The following NRG3 variants were observed in gnomAD, a reference collection of about 807,000 sequenced individuals.
NRG3 encodes the protein pro-neuregulin-3, membrane-bound isoform.
Under a neutral mutation model 66.9 loss-of-function variants are expected in NRG3, and 31 were observed. The observed-to-expected ratio is 0.46, with a 90% CI of 0.35 to 0.63. The LOEUF (loss-of-function observed/expected upper bound fraction) is 0.63, where lower values mean the gene tolerates loss of function less well. NRG3 is among the 20% of genes least tolerant of loss of function. The pLI, the probability that NRG3 is intolerant of heterozygous loss-of-function variation, is 0.00. For synonymous variants in NRG3, 393 were observed against 359.4 expected (o/e 1.09, Z -1.06); for missense variants, 910 against 878.9 (o/e 1.04, Z -0.45).
chr10:82,193,142 T>A (rs2027191), intron 1 of NRG3, among the ~76,000 whole-genome samples: 71,300 of 152,012 alleles, frequency 0.47, 18,314 homozygotes, highest in Middle Eastern at 0.65. Context: ...TAACTTGATT[T>A]CTATTTTCTT....
chr10:82,707,252 T>C (rs1164462215), intron 2 of NRG3, among the ~76,000 whole-genome samples: 2 of 151,920 alleles, frequency 1.3e-5, no homozygotes, highest in South Asian at 2.1e-4. Context: ...CATTTCACAG[T>C]GTATGGATTT....
intron 3 of NRG3, among the ~76,000 whole-genome samples, chr10:82,782,886 A>C (rs1176067947): frequency 6.6e-6 from 1 of 152,158 alleles, no homozygotes; most frequent in East Asian, 1.9e-4. Flanking sequence ...GATACCAAAG[A>C]CGGGCAGAGA....
chr10:82,043,254 A>G (rs2063125051), intron 1 of NRG3, among the ~76,000 whole-genome samples: 1 of 152,088 alleles, frequency 6.6e-6, no homozygotes, highest in Non-Finnish European at 1.5e-5. Flanking sequence ...TATTGATAGT[A>G]CCTGAGAGGG....
At chr10:82,879,958 CTTTTTTTTTTTT>C (rs35159008) in intron 4 of NRG3, among the ~76,000 whole-genome samples, 1 of 78,460 alleles carries the variant, frequency 1.3e-5, no homozygotes, top group African/African-American at 5.4e-5. Context: ...GATTTCATCC[CTTTTTTTTTTTT>C]TTTTTTTTTT....
chr10:82,553,957 T>G (rs1291952742), intron 2 of NRG3, among the ~76,000 whole-genome samples: 2 of 152,148 alleles, frequency 1.3e-5, no homozygotes, highest in Non-Finnish European at 2.9e-5. Context: ...ACCTGTAGAT[T>G]TAATTGCCTC....
intron 1 of NRG3, among the ~76,000 whole-genome samples, chr10:82,210,531 G>A (rs1415281913): frequency 1.3e-5 from 2 of 152,152 alleles, no homozygotes; most frequent in East Asian, 1.9e-4. Flanking sequence ...AAACTTTGGG[G>A]CTGGAAGAGC....
chr10:82,146,198 T>C (rs569631074), intron 1 of NRG3, among the ~76,000 whole-genome samples: 5 of 152,254 alleles, frequency 3.3e-5, no homozygotes, highest in East Asian at 1.9e-4. Context: ...GGGACAGAGA[T>C]TGTAAAAGAG....
At position 82,985,236 on chromosome 10, in the gene NRG3, G is replaced by A. The variant is rs1853336339; in HGVS notation, c.1722G>A (p.Val574=). 1 of 1,614,002 alleles carries A rather than the reference G, an allele frequency of 6.2e-7. No homozygotes were observed. The highest frequency in any genetic ancestry group is 8.5e-7 in the Non-Finnish European group (1 of 1,180,008). Residue 574 remains valine, a synonymous_variant, in exon 9 of 9, where the codon GTG becomes GTA. Transcript: ENST00000372141. ...VGYSSTRASS[V]PIIPSVGLEE... is the part of the protein sequence containing the mutation. ...ATTCATCCACAAGGGCCAGTTCTGT[G>A]CCCATCATCCCTTCAGTGGGTTTAG...
chr10:82,210,084 G>A (rs1348042092), intron 1 of NRG3, among the ~76,000 whole-genome samples: 3 of 152,156 alleles, frequency 2.0e-5, no homozygotes, highest in Non-Finnish European at 2.9e-5. Flanking sequence ...CATGAAATGA[G>A]AAGTAACAGG....
intron 1 of NRG3, among the ~76,000 whole-genome samples, chr10:82,251,310 T>C (rs1178981275): frequency 2.0e-5 from 3 of 152,140 alleles, no homozygotes; most frequent in Non-Finnish European, 4.4e-5. Flanking sequence ...CTCTGACTCT[T>C]CCTCTTGTTA....
At chr10:82,126,174 T>A (rs888259542) in intron 1 of NRG3, among the ~76,000 whole-genome samples, 1 of 152,038 alleles carries the variant, frequency 6.6e-6, no homozygotes, top group Non-Finnish European at 1.5e-5. Context: ...AGACATAGAC[T>A]TGAAGAATTA....
intron 4 of NRG3, among the ~76,000 whole-genome samples, chr10:82,869,671 C>A (rs1456595699): frequency 2.0e-5 from 3 of 150,018 alleles, no homozygotes; most frequent in Admixed American, 1.3e-4. Context: ...GCAGTGGTGC[C>A]ATCTCGGCTC....
intron 2 of NRG3, among the ~76,000 whole-genome samples, chr10:82,416,533 GCTCAGGT>G (rs920380918): frequency 2.0e-5 from 3 of 152,176 alleles, no homozygotes; most frequent in Admixed American, 2.0e-4. Context: ...GAGAAAGTGA[GCTCAGGT>G]CCCCTTTGGG....
At chr10:82,770,924 T>C (rs1187846471) in intron 3 of NRG3, among the ~76,000 whole-genome samples, 1 of 152,158 alleles carries the variant, frequency 6.6e-6, no homozygotes, top group Non-Finnish European at 1.5e-5. Flanking sequence ...AACAGGCAGC[T>C]GCATCCTAAA....
At chr10:82,743,299 T>C (rs571797) in intron 3 of NRG3, among the ~76,000 whole-genome samples, 120,038 of 151,932 alleles carry the variant, frequency 0.79, 47,593 homozygotes, top group Non-Finnish European at 0.81. Context: ...GATTCGCACT[T>C]TGTTTCTTTG....
intron 6 of NRG3, among the ~76,000 whole-genome samples, chr10:82,969,509 C>A (rs997032574): frequency 1.2e-4 from 18 of 152,194 alleles, no homozygotes; most frequent in Admixed American, 1.1e-3. Context: ...TCTGTACCTT[C>A]TCTTTGTTCT....
intron 1 of NRG3, among the ~76,000 whole-genome samples, chr10:82,337,644 CATT>C (rs2082457501): frequency 6.6e-6 from 1 of 152,162 alleles, no homozygotes; most frequent in Admixed American, 6.5e-5. Flanking sequence ...TGCCAATACT[CATT>C]GTTGTCCGTT....
chr10:82,046,931 A>G (rs4347322), intron 1 of NRG3, among the ~76,000 whole-genome samples: 117,659 of 133,760 alleles, frequency 0.88, 53,015 homozygotes, highest in South Asian at 0.99. Flanking sequence ...ACTTGATCAT[A>G]GTGGATAAGC....
intron 2 of NRG3, among the ~76,000 whole-genome samples, chr10:82,692,388 C>A (rs564780608): frequency 2.0e-5 from 3 of 152,226 alleles, no homozygotes; most frequent in South Asian, 4.1e-4. Context: ...TCTAGTTCAG[C>A]ACTTTTTCAA....
Sources: allele counts gnomAD v4.1 joint callset (sites outside exome capture counted in the v4.1 genomes callset), GRCh38; gene constraint gnomAD v4.1.1; transcripts MANE v1.5; gene names NCBI Gene and HGNC (gene_info 2026-07-23, HGNC 2026-07-21).